SGCZ: variants seen among roughly 807,000 people sequenced by gnomAD.
The protein encoded by SGCZ is sarcoglycan zeta.
A neutral mutation model predicts 41.3 loss-of-function variants in SGCZ; 40 were observed. The ratio of observed to expected loss-of-function variants is 0.97; its 90% CI spans 0.75 to 1.26. The LOEUF is 1.26. SGCZ is among the 50% of genes most tolerant of loss of function. SGCZ has a pLI of 0.00. For missense variants in SGCZ, 552 were observed against 369.8 expected (o/e 1.49, Z -4.04); for synonymous variants, 206 against 137.5 (o/e 1.50, Z -3.49).
chr8:14,831,644 G>GTATA (rs770631445), intron 1 of SGCZ, among the ~76,000 whole-genome samples: 1 of 150,164 alleles, frequency 6.7e-6, no homozygotes, highest in Non-Finnish European at 1.5e-5. Flanking sequence ...GTGTGTGTGT[G>GTATA]TATATATATA....
intron 1 of SGCZ, among the ~76,000 whole-genome samples, chr8:14,694,014 T>C (rs984561140): frequency 4.6e-5 from 7 of 152,218 alleles, no homozygotes; most frequent in Non-Finnish European, 1.0e-4. Flanking sequence ...ATTTTGACTG[T>C]TGCCTGGCTG....
chr8:14,413,422 A>G (rs543209490), intron 2 of SGCZ, among the ~76,000 whole-genome samples: 1 of 151,830 alleles, frequency 6.6e-6, no homozygotes. Context: ...TCTTTCTTCT[A>G]TCTTTGCAAG....
chr8:14,183,796 CA>C (rs1234706499), intron 4 of SGCZ, among the ~76,000 whole-genome samples: 1 of 152,178 alleles, frequency 6.6e-6, no homozygotes, highest in Admixed American at 6.5e-5. Context: ...TTATATTAAG[CA>C]TTATTCTGGA....
chr8:14,880,631 C>A (rs556953024), intron 1 of SGCZ, among the ~76,000 whole-genome samples: 24 of 152,152 alleles, frequency 1.6e-4, no homozygotes, highest in Non-Finnish European at 3.2e-4. Flanking sequence ...CCATGAAAAA[C>A]GATGAGTTCA....
intron 4 of SGCZ, among the ~76,000 whole-genome samples, chr8:14,220,002 C>T (rs919480079): frequency 2.0e-5 from 3 of 152,162 alleles, no homozygotes; most frequent in Non-Finnish European, 4.4e-5. Context: ...TAATGGTTCT[C>T]ATTTTGATTA....
intron 1 of SGCZ, among the ~76,000 whole-genome samples, chr8:14,915,418 T>G (rs1375747793): frequency 6.6e-6 from 1 of 152,080 alleles, no homozygotes; most frequent in African/African-American, 2.4e-5. Flanking sequence ...CCAAATCGTT[T>G]CCTAACAATG....
At chr8:15,148,714 C>G (rs943649301) in intron 1 of SGCZ, among the ~76,000 whole-genome samples, 3 of 152,186 alleles carry the variant, frequency 2.0e-5, no homozygotes. Flanking sequence ...GATACGAGTT[C>G]TCCAAGCAAG....
chr8:14,349,084 G>A (rs1802997179), intron 2 of SGCZ, among the ~76,000 whole-genome samples: 1 of 152,186 alleles, frequency 6.6e-6, no homozygotes, highest in East Asian at 1.9e-4. Context: ...ATTGTAAATT[G>A]TGGGTAGATT....
At chr8:14,441,401 C>T (rs1800260195) in intron 2 of SGCZ, among the ~76,000 whole-genome samples, 1 of 148,254 alleles carries the variant, frequency 6.7e-6, no homozygotes, top group Non-Finnish European at 1.5e-5. Flanking sequence ...ATGGTGAAAC[C>T]CCGTCTCTAC....
chr8:14,347,528 A>G (rs1203808243), intron 2 of SGCZ, among the ~76,000 whole-genome samples: 1 of 151,536 alleles, frequency 6.6e-6, no homozygotes, highest in South Asian at 2.1e-4. Flanking sequence ...GTTTTGTCAT[A>G]AAATTACCAC....
At chr8:14,110,923 G>C (rs1387455182) in intron 5 of SGCZ, among the ~76,000 whole-genome samples, 2 of 151,962 alleles carry the variant, frequency 1.3e-5, no homozygotes, top group Non-Finnish European at 2.9e-5. Flanking sequence ...TGGGCATGGT[G>C]GTGCACAGTA....
intron 2 of SGCZ, among the ~76,000 whole-genome samples, chr8:14,400,082 A>C (rs1162856106): frequency 6.6e-6 from 1 of 151,988 alleles, no homozygotes; most frequent in East Asian, 1.9e-4. Flanking sequence ...ATATTTGCTT[A>C]TTCTGAACAT....
At chr8:14,694,120 A>G (rs1585187998) in intron 1 of SGCZ, among the ~76,000 whole-genome samples, 1 of 152,176 alleles carries the variant, frequency 6.6e-6, no homozygotes, top group Non-Finnish European at 1.5e-5. Context: ...ATTGAATATA[A>G]TATGTATGAA....
chr8:14,300,693 T>C lies in SGCZ; in HGVS notation c.336+23410A>G, dbSNP rs118108481. On this transcript the variant is annotated intron_variant, in intron 3 of 7. Coordinates refer to ENST00000382080, the MANE Select transcript of SGCZ (RefSeq NM_139167.4). The stretch of plus-strand genomic sequence containing the variant: ...CGTATGAGATCATATGAGAGTATAA[T>C]GTGGTTAATTTTGAATTTCCCTGAT... 7.0e-3 allele frequency among the ~76,000 whole-genome samples: 1,069 copies of C among 152,084 alleles called. 42 individuals are homozygous for C. Among genetic ancestry groups the C allele is most frequent in the Admixed American group, 0.05 (757 of 15,258 alleles).
chr8:14,280,466 G>A (rs1247271996), intron 3 of SGCZ, among the ~76,000 whole-genome samples: 1 of 151,694 alleles, frequency 6.6e-6, no homozygotes, highest in Non-Finnish European at 1.5e-5. Flanking sequence ...AAATTTTTAA[G>A]GGACTGGGCT....
chr8:14,355,260 A>G (rs2117115467), intron 2 of SGCZ, among the ~76,000 whole-genome samples: 1 of 152,080 alleles, frequency 6.6e-6, no homozygotes, highest in East Asian at 1.9e-4. Context: ...GCAGTAAAAC[A>G]GGAGCACAAT....
chr8:14,327,238 G>C (rs1386050748), intron 2 of SGCZ, among the ~76,000 whole-genome samples: 1 of 152,178 alleles, frequency 6.6e-6, no homozygotes, highest in Non-Finnish European at 1.5e-5. Context: ...TTTCAGGCAT[G>C]ATAAGACTTA....
intron 1 of SGCZ, among the ~76,000 whole-genome samples, chr8:15,154,546 G>A (rs1178244840): frequency 6.6e-6 from 1 of 152,186 alleles, no homozygotes; most frequent in African/African-American, 2.4e-5. Flanking sequence ...GCAAATAATA[G>A]TCTATCATGG....
chr8:14,735,237 C>T (rs1187186397), intron 1 of SGCZ, among the ~76,000 whole-genome samples: 2 of 152,072 alleles, frequency 1.3e-5, no homozygotes, highest in African/African-American at 4.8e-5. Flanking sequence ...GCCTCCATAG[C>T]TGGTAAAGTA....
Sources: allele counts gnomAD v4.1 joint callset (sites outside exome capture counted in the v4.1 genomes callset), GRCh38; gene constraint gnomAD v4.1.1; transcripts MANE v1.5; gene names NCBI Gene and HGNC (gene_info 2026-07-23, HGNC 2026-07-21).